Variants in FAM120C observed in about 807,000 individuals in gnomAD.
The protein encoded by FAM120C is family with sequence similarity 120 member C.
In FAM120C, 14 loss-of-function variants were observed where a neutral mutation model predicts 71.2. That is an observed-to-expected ratio of 0.20 (90% CI 0.13 to 0.31). The LOEUF (loss-of-function observed/expected upper bound fraction) is 0.31, where lower values mean the gene tolerates loss of function less well. FAM120C is among the 10% of genes least tolerant of loss of function. The probability of loss-of-function intolerance (pLI) is 1.00; values close to 1 mark genes in which losing one functional copy is unlikely to be tolerated. For synonymous variants in FAM120C, 354 were observed against 353.2 expected (o/e 1.00, Z -0.03); for missense variants, 500 against 879.0 (o/e 0.57, Z 5.45).
rs781855603 is a variant in FAM120C, at chrX:54,139,465, G to A, written c.1159-2875C>T. Among the ~76,000 whole-genome samples, 68 of 107,761 alleles carry A rather than the reference G, an allele frequency of 6.3e-4. 2 individuals carry two copies. Among genetic ancestry groups the A allele is most frequent in the Non-Finnish European group, 6.9e-4 (36 of 52,087 alleles). The allele number at this position is 107,761 out of a possible 115,157, so 93.6% of individuals were successfully genotyped here. ...AGTGATTCTCCTGCCTCAGCCTCCC[G>A]AGTAGCTGGGACTACAGGCACCCGC... On this transcript the variant is annotated intron_variant, in intron 4 of 15. Transcript: ENST00000375180.
chrX:54,079,032 G>GGGCAGATCATGAGGTC (rs1321216143), intron 15 of FAM120C, among the ~76,000 whole-genome samples: 4 of 108,730 alleles, frequency 3.7e-5, no homozygotes, highest in Non-Finnish European at 7.6e-5. Flanking sequence ...AGGCCAAGGC[G>GGGCAGATCATGAGGTC]GGCAGATCAT....
At chrX:54,129,206 C>G (rs1327382908) in intron 9 of FAM120C, among the ~76,000 whole-genome samples, 1 of 106,114 alleles carries the variant, frequency 9.4e-6, no homozygotes, top group South Asian at 4.2e-4. Flanking sequence ...CGGGTGGAGA[C>G]GCTCCTCACT....
At position 54,132,849 on chromosome X, in the gene FAM120C, G is replaced by A. The variant is rs1405064725; in HGVS notation, c.1905C>T (p.Ile635=). The A allele has an allele frequency of 5.0e-6, 6 of 1,189,561 alleles. No homozygotes were observed. Among genetic ancestry groups the A allele is most frequent in the Non-Finnish European group, 5.6e-6 (5 of 887,269 alleles). ...TACACTCATCCTCAATACATACGGG[G>A]ATCTTAATTTCACCCTAACAAGAGA... The part of the protein sequence containing the change: ...YHVLTKGEIK[I]PVCIEDECNM... The change falls in exon 9 of 16, where the codon ATC becomes ATT. Residue 635 remains isoleucine, a synonymous_variant. Transcript: ENST00000375180.
At chrX:54,101,098 G>A (rs1284787371) in intron 10 of FAM120C, among the ~76,000 whole-genome samples, 1 of 111,845 alleles carries the variant, frequency 8.9e-6, no homozygotes, top group Non-Finnish European at 1.9e-5. Context: ...CTTTTAATGG[G>A]TAGAGGTTGC....
Position 54,182,906 on chromosome X carries a change from T to G in FAM120C, c.293A>C (p.Gln98Pro). 2 of 1,152,617 alleles carry G rather than the reference T, an allele frequency of 1.7e-6. No homozygotes were observed. Among genetic ancestry groups the G allele is most frequent in the Non-Finnish European group, 1.2e-6 (1 of 867,812 alleles). 95.0% of individuals were successfully genotyped at this position (1,152,617 alleles called of 1,213,427 possible). The change falls in exon 1 of 16, where the codon CAG becomes CCG. Residue 98 changes from glutamine to proline, a missense_variant. This residue lies in a region of FAM120C where 79 missense variants were observed against 78.3 expected (regional missense o/e 1.01). Coordinates refer to ENST00000375180, the MANE Select transcript of FAM120C (RefSeq NM_017848.6). ...AHHFHHHGQAQPGLHPPLPPP... is the reference protein window; with the variant it reads ...AHHFHHHGQAPPGLHPPLPPP... ...CGGCAGCGGAGGGTGCAGCCCGGGCTGCGCTTGGCCATGATGGTGGAAGTG... is the reference window on the plus strand; with the variant it reads ...CGGCAGCGGAGGGTGCAGCCCGGGCGGCGCTTGGCCATGATGGTGGAAGTG...
chrX:54,170,186 G>C (rs1388299496), intron 1 of FAM120C, among the ~76,000 whole-genome samples: 4 of 111,183 alleles, frequency 3.6e-5, no homozygotes, highest in Non-Finnish European at 7.5e-5. Context: ...GCCCAGGCTG[G>C]AGTGCAATGA....
At chrX:54,134,117 T>C in intron 7 of FAM120C, 71 bp from the exon 8 acceptor site, 1 of 1,067,579 alleles carries the variant, frequency 9.4e-7, no homozygotes, top group Non-Finnish European at 1.3e-6. Flanking sequence ...TTAAGATGCC[T>C]GTTCTGGACC....
intron 15 of FAM120C, among the ~76,000 whole-genome samples, chrX:54,076,777 G>A (rs184316592): frequency 1.8e-5 from 2 of 111,839 alleles, no homozygotes; most frequent in South Asian, 3.7e-4. Flanking sequence ...TATGTGTTTG[G>A]CACAGTGTAA....
chrX:54,183,166 C>T lies in FAM120C; in HGVS notation c.33G>A (p.Glu11=). ...GCACCACGGCCCCGGGACAGCGCTT[C>T]TCCAGGAACTCTTGGAAGCCCTGGA... The part of the protein sequence containing the change: MGVQGFQEFL[E]KRCPGAVVPV... Residue 11 remains glutamate (E), a synonymous_variant, in exon 1 of 16, where the codon GAG becomes GAA. Transcript: ENST00000375180. 1.8e-6 allele frequency: 2 copies of T among 1,141,926 alleles called. No homozygotes were observed. The highest frequency in any genetic ancestry group is 2.3e-6 in the Non-Finnish European group (2 of 861,892). 94.1% of individuals were successfully genotyped at this position (1,141,926 alleles called of 1,213,427 possible).
chrX:54,151,096 A>T, intron 4 of FAM120C, 149 bp downstream of exon 4: 1 of 632,337 alleles, frequency 1.6e-6, no homozygotes, highest in Non-Finnish European at 2.4e-6. Flanking sequence ...AATGTTTTTT[A>T]AAGGAAATTT....
chrX:54,094,082 C>CTTTT (rs2066837130), intron 10 of FAM120C, among the ~76,000 whole-genome samples: 2 of 70,639 alleles, frequency 2.8e-5, no homozygotes, highest in Non-Finnish European at 5.5e-5. Context: ...TTCCACGACT[C>CTTTT]CTTTTTTTTT....
intron 1 of FAM120C, among the ~76,000 whole-genome samples, chrX:54,167,341 C>T (rs1006571326): frequency 8.9e-6 from 1 of 111,850 alleles, no homozygotes; most frequent in Non-Finnish European, 1.9e-5. Flanking sequence ...AGTCGTTAAC[C>T]TTGCAATTTT....
intron 4 of FAM120C, among the ~76,000 whole-genome samples, chrX:54,145,047 C>G (rs1222833888): frequency 9.0e-6 from 1 of 111,687 alleles, no homozygotes; most frequent in Non-Finnish European, 1.9e-5. Flanking sequence ...ACAAACCTGA[C>G]AAAAACAAGC....
chrX:54,101,922 C>G (rs112022739), intron 10 of FAM120C, among the ~76,000 whole-genome samples: 1,762 of 111,822 alleles, frequency 0.016, 31 homozygotes, highest in African/African-American at 0.056. Context: ...GTTTTGTAGC[C>G]TGCTCCTCCA....
Position 54,135,999 on chromosome X carries a change from C to CTT in FAM120C, c.1259-397_1259-396dup, listed in dbSNP as rs782253279. ...GTAAATTTGAGAAAGCAGGGCCCTT[C>CTT]TTTTTTTTTTTTTTTTGAGGTGGAA... On this transcript the variant is annotated intron_variant, in intron 5 of 15. Transcript: ENST00000375180. Among the ~76,000 whole-genome samples the CTT allele has an allele frequency of 1.8e-3, 176 of 96,919 alleles. 1 individual carries two copies. The East Asian group carries it at 0.033, about 18-fold the overall frequency. The allele number at this position is 96,919 out of a possible 115,157, so 84.2% of individuals were successfully genotyped here.
chrX:54,104,723 G>A (rs201257367), intron 10 of FAM120C, among the ~76,000 whole-genome samples: 2 of 109,555 alleles, frequency 1.8e-5, no homozygotes, highest in African/African-American at 3.3e-5. Flanking sequence ...CAGGAGAATC[G>A]CTTGAACCTG....
At chrX:54,154,923 G>A (rs1282667172) in intron 3 of FAM120C, among the ~76,000 whole-genome samples, 4 of 110,907 alleles carry the variant, frequency 3.6e-5, no homozygotes, top group East Asian at 5.7e-4. Context: ...AGAAGGGGCC[G>A]GGCATGGTGG....
chrX:54,114,467 C>T (rs781921200), intron 10 of FAM120C, among the ~76,000 whole-genome samples: 2 of 110,319 alleles, frequency 1.8e-5, no homozygotes, highest in South Asian at 7.7e-4. Context: ...TGTTTTGAGA[C>T]AGAGTCTCGC....
chrX:54,164,282 T>C (rs963544322), intron 1 of FAM120C, among the ~76,000 whole-genome samples: 1 of 112,120 alleles, frequency 8.9e-6, no homozygotes, highest in South Asian at 3.7e-4. Context: ...CACATAAAAT[T>C]TACCAACTTG....
Sources: allele counts gnomAD v4.1 joint callset (sites outside exome capture counted in the v4.1 genomes callset), GRCh38; gene constraint gnomAD v4.1.1; regional missense constraint gnomAD v4.1.1; transcripts MANE v1.5; gene names NCBI Gene and HGNC (gene_info 2026-07-23, HGNC 2026-07-21).